Variants in ALMS1 observed in about 807,000 individuals in gnomAD.
ALMS1 encodes ALMS1 centrosome and basal body associated protein.
Under a neutral mutation model 352.2 loss-of-function variants are expected in ALMS1, and 271 were observed. The observed-to-expected ratio is 0.77, with a 90% CI of 0.70 to 0.85. The LOEUF (loss-of-function observed/expected upper bound fraction) is 0.85. ALMS1 is among the 40% of genes least tolerant of loss of function. The probability of loss-of-function intolerance (pLI) is 0.00; values close to 1 mark genes in which losing one functional copy is unlikely to be tolerated. For synonymous variants in ALMS1, 1,865 were observed against 1,761.2 expected (o/e 1.06, Z -1.48); for missense variants, 5,445 against 4,870.7 (o/e 1.12, Z -3.51).
chr2:73,543,824 T>C lies in ALMS1; in HGVS notation c.9908-6443T>C, dbSNP rs1053217558. Among the ~76,000 whole-genome samples, 12 of 152,126 alleles carry C rather than the reference T, an allele frequency of 7.9e-5. No homozygotes were observed. The South Asian group carries it at 1.2e-3, about 16-fold the overall frequency. On this transcript the variant is annotated intron_variant, in intron 12 of 22. Coordinates refer to ENST00000613296, the MANE Select transcript of ALMS1 (RefSeq NM_001378454.1). ...TCAAAACCACAATGAGATACCATCT[T>C]ACACCAGTTAGAATGGCGATCATTA... is the stretch of plus-strand genomic sequence containing the variant.
At chr2:73,552,030 G>A (rs1674447302) in intron 13 of ALMS1, among the ~76,000 whole-genome samples, 1 of 152,112 alleles carries the variant, frequency 6.6e-6, no homozygotes, top group South Asian at 2.1e-4. Flanking sequence ...AAAAATAAAT[G>A]AGATCTGCAT....
intron 14 of ALMS1, among the ~76,000 whole-genome samples, chr2:73,557,869 G>T (rs1674577483): frequency 6.6e-6 from 1 of 152,200 alleles, no homozygotes; most frequent in Admixed American, 6.5e-5. Context: ...GAAGAAGACA[G>T]AAAACTCTTT....
intron 9 of ALMS1, among the ~76,000 whole-genome samples, chr2:73,480,027 A>G (rs922901193): frequency 6.6e-5 from 10 of 151,534 alleles, no homozygotes; most frequent in Non-Finnish European, 1.0e-4. Flanking sequence ...TGTTAAGTGA[A>G]ATGTCTGTAT....
intron 17 of ALMS1, among the ~76,000 whole-genome samples, chr2:73,600,063 G>C (rs1675640756): frequency 6.6e-6 from 1 of 152,182 alleles, no homozygotes; most frequent in Non-Finnish European, 1.5e-5. Context: ...GCATGTAATT[G>C]ATTTTAAGAA....
At chr2:73,495,570 T>C (rs931569442) in intron 10 of ALMS1, among the ~76,000 whole-genome samples, 1 of 151,856 alleles carries the variant, frequency 6.6e-6, no homozygotes, top group Non-Finnish European at 1.5e-5. Flanking sequence ...GAGGAAGGAG[T>C]ACAGTATTTA....
intron 2 of ALMS1, among the ~76,000 whole-genome samples, chr2:73,415,461 CTT>C (rs539612413): frequency 1.8e-3 from 268 of 151,980 alleles, no homozygotes; most frequent in Non-Finnish European, 2.2e-3. Flanking sequence ...GGCAGAGTGA[CTT>C]TTTTTTATTT....
In ALMS1 at chr2:73,601,358, C is replaced by T. The variant is rs370981817; in HGVS notation, c.12036C>T (p.Asp4012=). ...REQNCQGQHL[D]GRGYLAGPGR... is the part of the protein sequence containing the mutation. ...AGAACTGTCAGGGGCAGCACCTGGA[C>T]GGTCGGGGCTACCTGGCAGGCCCAG... is the stretch of plus-strand genomic sequence containing the variant. The change falls in exon 19 of 23, where the codon GAC becomes GAT. Residue 4012 remains aspartate, a synonymous_variant. Coordinates refer to ENST00000613296, the MANE Select transcript of ALMS1 (RefSeq NM_001378454.1). The T allele has an allele frequency of 9.9e-5, 159 of 1,614,132 alleles. No individual in the cohort carries two copies. Among genetic ancestry groups the T allele is most frequent in the East Asian group, 4.9e-4 (22 of 44,876 alleles).
intron 9 of ALMS1, among the ~76,000 whole-genome samples, chr2:73,464,457 G>A (rs1338353255): frequency 6.6e-6 from 1 of 152,120 alleles, no homozygotes; most frequent in African/African-American, 2.4e-5. Context: ...AAAATAATAA[G>A]AGCTATCTAT....
At chr2:73,585,821 C>T (rs1019458118) in intron 16 of ALMS1, among the ~76,000 whole-genome samples, 4 of 150,902 alleles carry the variant, frequency 2.7e-5, no homozygotes, top group South Asian at 2.1e-4. Context: ...CACTGCATCC[C>T]GGGTTCAAGC....
chr2:73,449,314 A>G lies in ALMS1; in HGVS notation c.2787A>G (p.Glu929=). ...CCCTGCCAGACTTTCTTTTCCCTGA[A>G]GAAGCTCTGAAGGTTTCAGCTGTTT... is the stretch of plus-strand genomic sequence containing the variant. ...QQTLPDFLFP[E]EALKVSAVSV... is the part of the protein sequence containing the mutation. Residue 929 remains glutamate (E), a synonymous_variant, in exon 8 of 23, where the codon GAA becomes GAG. Coordinates refer to ENST00000613296, the MANE Select transcript of ALMS1 (RefSeq NM_001378454.1). 1 of 1,614,074 alleles carries G rather than the reference A, an allele frequency of 6.2e-7. No homozygotes were observed. The highest frequency in any genetic ancestry group is 8.5e-7 in the Non-Finnish European group (1 of 1,179,992).
intron 13 of ALMS1, among the ~76,000 whole-genome samples, chr2:73,553,333 G>A (rs1307446470): frequency 6.6e-6 from 1 of 152,186 alleles, no homozygotes; most frequent in African/African-American, 2.4e-5. Context: ...GTGGGATTGA[G>A]GAAATGGAGG....
chr2:73,535,456 A>G (rs1248604388), intron 12 of ALMS1, among the ~76,000 whole-genome samples: 1 of 152,220 alleles, frequency 6.6e-6, no homozygotes, highest in Non-Finnish European at 1.5e-5. Context: ...ACACTGTGCA[A>G]CTTCCCAAAC....
intron 9 of ALMS1, among the ~76,000 whole-genome samples, chr2:73,484,808 G>A (rs1030068596): frequency 2.1e-4 from 32 of 151,364 alleles, no homozygotes; most frequent in African/African-American, 5.1e-4. Context: ...TTCCCTTCTC[G>A]CTTCATTTCA....
chr2:73,571,792 A>C (rs1279309597), intron 15 of ALMS1, among the ~76,000 whole-genome samples: 2 of 152,160 alleles, frequency 1.3e-5, no homozygotes, highest in African/African-American at 4.8e-5. Context: ...AAAACATGTA[A>C]AAAGGGTTTT....
chr2:73,474,360 G>A (rs1672535976), intron 9 of ALMS1, among the ~76,000 whole-genome samples: 1 of 140,856 alleles, frequency 7.1e-6, no homozygotes, highest in African/African-American at 2.7e-5. Flanking sequence ...ACTTTTTAGT[G>A]CTTGTTGACT....
At chr2:73,575,042 T>C (rs1344082194) in intron 16 of ALMS1, among the ~76,000 whole-genome samples, 3 of 152,220 alleles carry the variant, frequency 2.0e-5, no homozygotes, top group Non-Finnish European at 4.4e-5. Context: ...GGTATCAGGC[T>C]TCTCTCTCTT....
chr2:73,546,822 C>T (rs532839222), intron 12 of ALMS1, among the ~76,000 whole-genome samples: 1 of 152,188 alleles, frequency 6.6e-6, no homozygotes, highest in South Asian at 2.1e-4. Flanking sequence ...GTTGAAATTC[C>T]AACAAATTTA....
rs2103774178 is a variant in ALMS1 at position 73,448,724 on chromosome 2, A to G, written c.2197A>G (p.Ser733Gly). The G allele has an allele frequency of 6.2e-7, 1 of 1,605,350 alleles. No homozygotes were observed. Among genetic ancestry groups the G allele is most frequent in the East Asian group, 2.2e-5 (1 of 44,502 alleles). The change falls in exon 8 of 23, where the codon AGT (serine) becomes GGT (glycine). Residue 733 changes from serine (S) to glycine (G), a missense_variant. Ser to Gly is a moderately conservative substitution (Grantham distance 56). Coordinates refer to ENST00000613296, the MANE Select transcript of ALMS1 (RefSeq NM_001378454.1). ...GIFYQQEFAD[S>G]HQTEETLTKV... ...TTTTTACCAACAAGAGTTCGCAGAC[A>G]GTCATCAAACTGAAGAGACTCTTAC... is the stretch of plus-strand genomic sequence containing the variant.
In ALMS1 at chr2:73,453,883, C is replaced by T. The variant is rs1290880090; in HGVS notation, c.7356C>T (p.Pro2452=). Residue 2452 remains proline (P), a synonymous_variant, in exon 8 of 23, where the codon CCC becomes CCT. Transcript: ENST00000613296. ...VLLNFFPYVS[P]KTSITDSREE... Reference sequence around the variant, plus strand: ...TAAACTTCTTTCCATATGTTTCACCCAAGACAAGTATAACAGATAGCAGGG... The same window carrying T: ...TAAACTTCTTTCCATATGTTTCACCTAAGACAAGTATAACAGATAGCAGGG... 1 of 1,614,010 alleles carries T rather than the reference C, an allele frequency of 6.2e-7. No individual in the cohort carries two copies. The highest frequency in any genetic ancestry group is 1.7e-5 in the Admixed American group (1 of 59,994).
Sources: allele counts gnomAD v4.1 joint callset (sites outside exome capture counted in the v4.1 genomes callset), GRCh38; gene constraint gnomAD v4.1.1; transcripts MANE v1.5; gene names NCBI Gene and HGNC (gene_info 2026-07-23, HGNC 2026-07-21).